Variants in SNCAIP observed in about 807,000 individuals in gnomAD.
The protein encoded by SNCAIP is synphilin-1.
SNCAIP carries 43 observed loss-of-function variants against 86.7 expected under a neutral mutation model. The ratio of observed to expected loss-of-function variants is 0.50; its 90% confidence interval spans 0.39 to 0.64. The LOEUF (loss-of-function observed/expected upper bound fraction) is 0.64, where lower values mean the gene tolerates loss of function less well. SNCAIP is among the 30% of genes least tolerant of loss of function. The pLI, the probability that SNCAIP is intolerant of heterozygous loss-of-function variation, is 0.00. For missense variants in SNCAIP, 981 were observed against 1,103.1 expected (o/e 0.89, Z 1.57); for synonymous variants, 417 against 427.2 (o/e 0.98, Z 0.29).
Position 122,454,115 on chromosome 5 carries a change from T to G in SNCAIP, c.2754+2514T>G, listed in dbSNP as rs556757021. 3.3e-5 allele frequency among the ~76,000 whole-genome samples: 5 copies of G among 152,320 alleles called. No individual in the cohort carries two copies. In the South Asian group the frequency reaches 1.0e-3, roughly 32 times the overall value. ...CGAATTGAAAAATTATAACATGCCA[T>G]TCAGCACTCTTCCAAAATCCTCCAA... On this transcript the variant is annotated intron_variant, in intron 10 of 10. Coordinates refer to ENST00000261368, the MANE Select transcript of SNCAIP (RefSeq NM_005460.4).
At chr5:122,445,019 A>T (rs1487881850) in intron 8 of SNCAIP, 6 of 445,268 alleles carry the variant, frequency 1.3e-5, no homozygotes, top group Non-Finnish European at 2.5e-5. Flanking sequence ...TGTGTTCACA[A>T]CTCAGGGCCA....
intron 10 of SNCAIP, 87 bp downstream of exon 10, chr5:122,451,688 T>G: frequency 9.8e-7 from 1 of 1,019,532 alleles, no homozygotes; most frequent in South Asian, 1.4e-5. Flanking sequence ...CCACACTACC[T>G]TGAGGGAATC....
intron 1 of SNCAIP, chr5:122,371,846 G>C (rs10065900): frequency 8.3e-4 from 127 of 152,244 alleles, no homozygotes; most frequent in African/African-American, 2.9e-3. Flanking sequence ...CAACACAGTG[G>C]CTGGCTCAAG....
intron 2 of SNCAIP, among the ~76,000 whole-genome samples, chr5:122,398,594 G>A (rs555008358): frequency 2.6e-5 from 4 of 152,160 alleles, no homozygotes; most frequent in African/African-American, 9.6e-5. Flanking sequence ...AAAACTGTGC[G>A]AGAAATCATG....
chr5:122,398,986 T>C (rs1771212165), intron 2 of SNCAIP, among the ~76,000 whole-genome samples: 1 of 152,184 alleles, frequency 6.6e-6, no homozygotes, highest in Non-Finnish European at 1.5e-5. Context: ...TGTGAAGTTT[T>C]TGAAGCTGAC....
chr5:122,341,904 C>T (rs1757673862), intron 1 of SNCAIP, among the ~76,000 whole-genome samples: 1 of 152,102 alleles, frequency 6.6e-6, no homozygotes, highest in South Asian at 2.1e-4. Context: ...CTCACAAATC[C>T]ACTTCTTGAT....
At chr5:122,398,160 A>G (rs1771017099) in intron 2 of SNCAIP, among the ~76,000 whole-genome samples, 1 of 152,190 alleles carries the variant, frequency 6.6e-6, no homozygotes, top group African/African-American at 2.4e-5. Flanking sequence ...ATGCTCAGTC[A>G]AGGAGGCAGT....
At chr5:122,399,391 G>C (rs891376839) in intron 2 of SNCAIP, among the ~76,000 whole-genome samples, 10 of 152,050 alleles carry the variant, frequency 6.6e-5, no homozygotes, top group Non-Finnish European at 1.5e-4. Flanking sequence ...CCAGAACCAG[G>C]ACTTCAATCC....
At chr5:122,347,310 T>C (rs1447984044) in intron 1 of SNCAIP, among the ~76,000 whole-genome samples, 4 of 152,060 alleles carry the variant, frequency 2.6e-5, no homozygotes, top group Non-Finnish European at 2.9e-5. Context: ...GTGATGGTCA[T>C]AACATCTTTA....
intron 1 of SNCAIP, among the ~76,000 whole-genome samples, chr5:122,379,669 T>G (rs1174022638): frequency 2.0e-5 from 3 of 152,008 alleles, no homozygotes; most frequent in Non-Finnish European, 2.9e-5. Context: ...TGATATTGGC[T>G]GTGAGTTTGT....
chr5:122,327,602 A>T (rs1327436834), intron 1 of SNCAIP, among the ~76,000 whole-genome samples: 2 of 152,060 alleles, frequency 1.3e-5, no homozygotes, highest in Non-Finnish European at 2.9e-5. Flanking sequence ...CTCTCCTGTC[A>T]CCTTGTGAAG....
chr5:122,389,671 T>C (rs1307339854), intron 1 of SNCAIP: 1 of 152,248 alleles, frequency 6.6e-6, no homozygotes. Flanking sequence ...GGTTTTCTTT[T>C]CATTGTAAGC....
At chr5:122,432,160 A>C (rs1778541546) in intron 6 of SNCAIP, 78 bp downstream of exon 6, 1 of 734,062 alleles carries the variant, frequency 1.4e-6, no homozygotes, top group African/African-American at 1.7e-5. Context: ...GTCCATCAAA[A>C]TCCAAACATA....
At chr5:122,444,031 A>T (rs1454408799) in intron 7 of SNCAIP, 1 of 456,276 alleles carries the variant, frequency 2.2e-6, no homozygotes, top group Non-Finnish European at 4.4e-6. Context: ...CCATTGTGGG[A>T]GGGTGGGAGC....
chr5:122,375,129 T>A (rs924375965), intron 1 of SNCAIP, among the ~76,000 whole-genome samples: 2 of 152,302 alleles, frequency 1.3e-5, no homozygotes, highest in Admixed American at 1.3e-4. Context: ...TAACTCACTA[T>A]CCTTGCTTAA....
chr5:122,370,325 T>C (rs1176413150), intron 1 of SNCAIP, among the ~76,000 whole-genome samples: 1 of 151,510 alleles, frequency 6.6e-6, no homozygotes, highest in East Asian at 1.9e-4. Context: ...TTCTTTTTAT[T>C]GATATTTATT....
intron 6 of SNCAIP, among the ~76,000 whole-genome samples, chr5:122,434,731 C>G (rs1053178676): frequency 7.9e-5 from 12 of 152,262 alleles, no homozygotes; most frequent in African/African-American, 2.9e-4. Context: ...CTACATCCGC[C>G]ACAGCCACTT....
chr5:122,441,731 C>T (rs1369044), intron 7 of SNCAIP, among the ~76,000 whole-genome samples: 38,591 of 151,858 alleles, frequency 0.25, 5,029 homozygotes, highest in South Asian at 0.3. Flanking sequence ...TTGAAAATGT[C>T]GAATGCCCTC....
At chr5:122,443,294 T>C (rs1285966697) in intron 7 of SNCAIP, among the ~76,000 whole-genome samples, 1 of 152,228 alleles carries the variant, frequency 6.6e-6, no homozygotes, top group Non-Finnish European at 1.5e-5. Context: ...CATCATGATA[T>C]TGTCAAAGAA....
Sources: gnomAD v4.1 joint callset for allele counts (sites outside exome capture counted in the v4.1 genomes callset) on GRCh38, gnomAD v4.1.1 for gene constraint, MANE v1.5 for transcripts, NCBI Gene and HGNC (gene_info 2026-07-23, HGNC 2026-07-21) for gene names.